Variants in RNGTT observed in about 807,000 individuals in gnomAD.
The protein encoded by RNGTT is RNA guanylyltransferase and 5'-phosphatase, also known as mRNA-capping enzyme.
In RNGTT, 33 loss-of-function variants were observed where a neutral mutation model predicts 79.3. The observed-to-expected ratio is 0.42, with a 90% CI of 0.32 to 0.56. The LOEUF (loss-of-function observed/expected upper bound fraction) is 0.56. RNGTT is among the 20% of genes least tolerant of loss of function. The probability of loss-of-function intolerance (pLI) is 0.17; values close to 1 mark genes in which losing one functional copy is unlikely to be tolerated. For missense variants in RNGTT, 497 were observed against 739.1 expected (o/e 0.67, Z 3.80); for synonymous variants, 222 against 235.9 (o/e 0.94, Z 0.54).
intron 14 of RNGTT, among the ~76,000 whole-genome samples, chr6:88,619,672 G>T (rs1772370395): frequency 6.6e-6 from 1 of 152,150 alleles, no homozygotes; most frequent in Admixed American, 6.6e-5. Flanking sequence ...AAACTAAATT[G>T]ACCATTTTTT....
intron 2 of RNGTT, among the ~76,000 whole-genome samples, chr6:88,935,817 T>C (rs941644225): frequency 2.6e-5 from 4 of 152,206 alleles, no homozygotes; most frequent in African/African-American, 9.6e-5. Flanking sequence ...TATTTTACTA[T>C]TTTTGTAGCT....
Position 88,612,693 on chromosome 6 carries a change from C to T in RNGTT, c.*26G>A. On this transcript the variant is annotated 3_prime_UTR_variant, in exon 16 of 16. Coordinates refer to ENST00000369485, the MANE Select transcript of RNGTT (RefSeq NM_003800.5). ...CGTTTTTTCCTCATTCCTCTTTCTT[C>T]TTAACCCTCAAGTCACAGGCAGGTC... 1 of 1,499,064 alleles carries T rather than the reference C, an allele frequency of 6.7e-7. No homozygotes were observed. Among genetic ancestry groups the T allele is most frequent in the Non-Finnish European group, 9.0e-7 (1 of 1,110,112 alleles). 92.9% of individuals were successfully genotyped at this position (1,499,064 alleles called of 1,614,324 possible).
At position 88,610,544 on chromosome 6, in the gene RNGTT, C is replaced by T. The variant is rs970867717; in HGVS notation, c.*2175G>A. On this transcript the variant is annotated 3_prime_UTR_variant, in exon 16 of 16. Transcript: ENST00000369485. ...CATTTCCTTCACAATGTCCAAAATC[C>T]TGCCTCTAGATTATCCCCCTGACCT... 1 of 152,186 alleles carries T rather than the reference C, an allele frequency of 6.6e-6. No homozygotes were observed. Among genetic ancestry groups the T allele is most frequent in the African/African-American group, 2.4e-5 (1 of 41,432 alleles). 9.4% of individuals were successfully genotyped at this position (152,186 alleles called of 1,614,324 possible). A position where few individuals can be genotyped will look rare whatever the true frequency, so the allele number is the denominator to read the frequency against.
At position 88,655,292 on chromosome 6, in the gene RNGTT, T is replaced by C. The variant is rs1352688005; in HGVS notation, c.1506+23061A>G. 2.0e-5 allele frequency among the ~76,000 whole-genome samples: 3 copies of C among 152,262 alleles called. No homozygotes were observed. In the East Asian group the frequency reaches 5.8e-4, roughly 29 times the overall value. On this transcript the variant is annotated intron_variant, in intron 14 of 15. Coordinates refer to ENST00000369485, the MANE Select transcript of RNGTT (RefSeq NM_003800.5). ...ATATTTTTAACATATCAAATAACAA[T>C]CTGAGCTTGAAATACCTTAAAGGAA...
intron 13 of RNGTT, among the ~76,000 whole-genome samples, chr6:88,680,237 A>G (rs1775040800): frequency 6.6e-6 from 1 of 152,170 alleles, no homozygotes; most frequent in East Asian, 1.9e-4. Context: ...ATATACATTT[A>G]TTCATAATTT....
At chr6:88,640,279 G>A (rs1297173483) in intron 14 of RNGTT, among the ~76,000 whole-genome samples, 2 of 151,892 alleles carry the variant, frequency 1.3e-5, no homozygotes, top group Non-Finnish European at 2.9e-5. Context: ...GGCCAGTGCA[G>A]TGGCTCATGC....
chr6:88,907,086 G>T (rs981504250), intron 4 of RNGTT, among the ~76,000 whole-genome samples: 2 of 152,144 alleles, frequency 1.3e-5, no homozygotes, highest in Non-Finnish European at 2.9e-5. Flanking sequence ...TTCAAGTTAG[G>T]TTATAATCTT....
intron 11 of RNGTT, among the ~76,000 whole-genome samples, chr6:88,842,820 C>A (rs113874037): frequency 0.014 from 2,147 of 152,162 alleles, 49 homozygotes; most frequent in African/African-American, 0.049. Flanking sequence ...ACCTGTAATC[C>A]CAGCACTTTG....
At chr6:88,836,426 C>G (rs969822919) in intron 11 of RNGTT, among the ~76,000 whole-genome samples, 2 of 151,908 alleles carry the variant, frequency 1.3e-5, no homozygotes, top group African/African-American at 2.4e-5. Context: ...ACCGCAAAAC[C>G]CTTACTAACA....
At chr6:88,904,109 G>A (rs1194127677) in intron 6 of RNGTT, among the ~76,000 whole-genome samples, 2 of 152,096 alleles carry the variant, frequency 1.3e-5, no homozygotes, top group East Asian at 1.9e-4. Flanking sequence ...TATTCACTAG[G>A]TATTTAGTTG....
intron 14 of RNGTT, among the ~76,000 whole-genome samples, chr6:88,655,971 T>C (rs957799994): frequency 1.3e-5 from 2 of 152,164 alleles, no homozygotes; most frequent in African/African-American, 4.8e-5. Context: ...GACTTTGACA[T>C]GCTCTAGAAA....
At chr6:88,879,385 C>T (rs1342199874) in intron 8 of RNGTT, among the ~76,000 whole-genome samples, 1 of 152,170 alleles carries the variant, frequency 6.6e-6, no homozygotes, top group Non-Finnish European at 1.5e-5. Flanking sequence ...CAGAGTGAGA[C>T]TCCGTCTCTA....
rs1208628880 is a variant in RNGTT at position 88,645,230 on chromosome 6, A to G, written c.1507-30835T>C. Reference sequence around the variant, plus strand: ...CAATAACAGACAAACAGAGAGCCAAATCATGAGTGAACTCCCATTCACAAT... The same window carrying G: ...CAATAACAGACAAACAGAGAGCCAAGTCATGAGTGAACTCCCATTCACAAT... On this transcript the variant is annotated intron_variant, in intron 14 of 15. Coordinates refer to ENST00000369485, the MANE Select transcript of RNGTT (RefSeq NM_003800.5). Among the ~76,000 whole-genome samples the G allele has an allele frequency of 3.3e-5, 5 of 152,322 alleles. No individual in the cohort carries two copies. The East Asian group carries it at 9.6e-4, about 29-fold the overall frequency.
At chr6:88,624,232 A>C (rs1772543227) in intron 14 of RNGTT, among the ~76,000 whole-genome samples, 3 of 151,976 alleles carry the variant, frequency 2.0e-5, no homozygotes, top group African/African-American at 7.2e-5. Flanking sequence ...TTTTTAATGG[A>C]TATCAACAAC....
intron 13 of RNGTT, among the ~76,000 whole-genome samples, chr6:88,711,593 T>C (rs571866557): frequency 1.3e-4 from 20 of 152,198 alleles, no homozygotes; most frequent in Non-Finnish European, 2.6e-4. Context: ...CTTTGGATAA[T>C]ATTAACTTGC....
In RNGTT at chr6:88,955,684, T is replaced by C. The variant is rs532402222; in HGVS notation, c.64+7662A>G. Among the ~76,000 whole-genome samples the C allele has an allele frequency of 4.6e-5, 7 of 151,262 alleles. No homozygotes were observed. The South Asian group carries it at 1.5e-3, about 32-fold the overall frequency. ...AGCAGAAGAAAAGAAGTAACAAACA[T>C]CAGAGCAGAACTAAACTGTAACAAA... On this transcript the variant is annotated intron_variant, in intron 1 of 15. Transcript: ENST00000369485.
intron 8 of RNGTT, among the ~76,000 whole-genome samples, chr6:88,881,226 T>C (rs1053740721): frequency 2.0e-5 from 3 of 152,138 alleles, no homozygotes; most frequent in African/African-American, 7.2e-5. Context: ...CAAGGAGGCA[T>C]AAAGACATAG....
At chr6:88,632,550 C>G (rs866198782) in intron 14 of RNGTT, among the ~76,000 whole-genome samples, 7 of 140,836 alleles carry the variant, frequency 5.0e-5, no homozygotes, top group Middle Eastern at 3.6e-3. Flanking sequence ...CACAGACACA[C>G]ACACACACAC....
At chr6:88,888,150 GA>G (rs1033892175) in intron 8 of RNGTT, among the ~76,000 whole-genome samples, 5 of 145,236 alleles carry the variant, frequency 3.4e-5, no homozygotes, top group African/African-American at 1.0e-4. Flanking sequence ...AATTTCAACA[GA>G]AAAAAAAAAG....
Sources: gnomAD v4.1 joint callset for allele counts (sites outside exome capture counted in the v4.1 genomes callset) on GRCh38, gnomAD v4.1.1 for gene constraint, MANE v1.5 for transcripts, NCBI Gene and HGNC (gene_info 2026-07-23, HGNC 2026-07-21) for gene names.